The following RGS17 variants were observed in gnomAD, a reference collection of about 807,000 sequenced individuals.
RGS17 encodes the protein regulator of G-protein signaling 17.
RGS17 carries 12 observed loss-of-function variants against 25.5 expected under a neutral mutation model. The ratio of observed to expected loss-of-function variants is 0.47; its 90% confidence interval spans 0.30 to 0.76. The LOEUF is 0.76. Among genes scored for constraint, RGS17 ranks in the 30% least tolerant of loss-of-function variants. The probability of loss-of-function intolerance (pLI) is 0.07; values close to 1 mark genes in which losing one functional copy is unlikely to be tolerated. For missense variants in RGS17, 196 were observed against 242.2 expected, an observed-to-expected ratio of 0.81 and a Z score of 1.27; for synonymous variants, 71 against 76.9, an observed-to-expected ratio of 0.92 and a Z score of 0.40.
At chr6:153,024,184 T>TA in intron 4 of RGS17, 78 bp downstream of exon 4, 1 of 902,054 alleles carries the variant, frequency 1.1e-6, no homozygotes. Context: ...CCCCATGCCC[T>TA]ACCCAATGTG....
At position 153,106,143 on chromosome 6, in the gene RGS17, T is replaced by A. The variant is rs116521966; in HGVS notation, c.-26+24981A>T. Among the ~76,000 whole-genome samples, 1,212 of 152,100 alleles carry A rather than the reference T, an allele frequency of 8.0e-3. 24 individuals are homozygous for A. The highest frequency in any genetic ancestry group is 0.027 in the African/African-American group (1,114 of 41,490). ...GGGGTCAAGGTCGACTCCTGGGGAC[T>A]GTGTAGAAGCCACCCTTTGGTAAGA... On this transcript the variant is annotated intron_variant, in intron 1 of 4. Transcript: ENST00000206262.
chr6:153,023,133 C>A lies in RGS17; in HGVS notation c.444+1129G>T, dbSNP rs150577867. 8.4e-3 allele frequency among the ~76,000 whole-genome samples: 1,272 copies of A among 152,116 alleles called. 17 individuals are homozygous for A. Among genetic ancestry groups the A allele is most frequent in the African/African-American group, 0.029 (1,212 of 41,502 alleles). ...CTGTATATCTTATTAGAAGTGAAATCGTTTATGTAGCATTCCAAACTTAGA... is the reference window on the plus strand; with the variant it reads ...CTGTATATCTTATTAGAAGTGAAATAGTTTATGTAGCATTCCAAACTTAGA... On this transcript the variant is annotated intron_variant, in intron 4 of 4. Coordinates refer to ENST00000206262, the MANE Select transcript of RGS17 (RefSeq NM_012419.5).
chr6:153,096,342 G>C (rs1256282292), intron 1 of RGS17, among the ~76,000 whole-genome samples: 2 of 152,136 alleles, frequency 1.3e-5, no homozygotes, highest in East Asian at 3.8e-4. Context: ...AGCCTCTCTG[G>C]GCTGTTTCCT....
intron 2 of RGS17, among the ~76,000 whole-genome samples, chr6:153,029,292 G>T (rs1779336056): frequency 6.6e-6 from 1 of 152,102 alleles, no homozygotes; most frequent in African/African-American, 2.4e-5. Context: ...TTAAAAAATG[G>T]GTTTCAAGGT....
chr6:153,045,737 A>G (rs1776377111), intron 1 of RGS17, among the ~76,000 whole-genome samples: 1 of 152,220 alleles, frequency 6.6e-6, no homozygotes, highest in Non-Finnish European at 1.5e-5. Flanking sequence ...AAATGCTAAT[A>G]ACAGAATCAC....
intron 1 of RGS17, among the ~76,000 whole-genome samples, chr6:153,127,861 T>C (rs931778294): frequency 1.3e-5 from 2 of 152,210 alleles, no homozygotes; most frequent in African/African-American, 4.8e-5. Flanking sequence ...ATTCTTACCT[T>C]GGAAGACTTT....
At chr6:153,076,162 A>G (rs1021577286) in intron 1 of RGS17, among the ~76,000 whole-genome samples, 1 of 152,096 alleles carries the variant, frequency 6.6e-6, no homozygotes, top group African/African-American at 2.4e-5. Context: ...TAAACATTAC[A>G]CTCTGTATAT....
rs1491516817 is a variant in RGS17, at chr6:153,053,976, T to TATATAC, written c.-25-9934_-25-9933insGTATAT. 1.3e-4 allele frequency among the ~76,000 whole-genome samples: 4 copies of TATATAC among 31,088 alleles called. No homozygotes were observed. The Admixed American group carries it at 1.6e-3, about 12-fold the overall frequency. 20.4% of individuals were successfully genotyped at this position (31,088 alleles called of 152,430 possible). On this transcript the variant is annotated intron_variant, in intron 1 of 4. Coordinates refer to ENST00000206262, the MANE Select transcript of RGS17 (RefSeq NM_012419.5). Reference sequence around the variant, plus strand: ...TACATATATATTATATACATATATATGTATATATGTATATAATATATATAC... The same window carrying TATATAC: ...TACATATATATTATATACATATATATATATACGTATATATGTATATAATATATATAC...
At chr6:153,093,394 T>C (rs1417893224) in intron 1 of RGS17, among the ~76,000 whole-genome samples, 1 of 152,198 alleles carries the variant, frequency 6.6e-6, no homozygotes, top group African/African-American at 2.4e-5. Context: ...TGGTGAACCT[T>C]TTTGTAAGTC....
intron 3 of RGS17, among the ~76,000 whole-genome samples, chr6:153,025,655 TAA>T (rs1211037272): frequency 7.1e-6 from 1 of 140,456 alleles, no homozygotes; most frequent in Admixed American, 7.6e-5. Flanking sequence ...CATATATATA[TAA>T]AAACATATAT....
intron 1 of RGS17, among the ~76,000 whole-genome samples, chr6:153,110,602 T>G (rs1194017642): frequency 6.6e-6 from 1 of 152,216 alleles, no homozygotes; most frequent in Non-Finnish European, 1.5e-5. Context: ...GGCACTATAT[T>G]AGTCTGTTTT....
intron 2 of RGS17, among the ~76,000 whole-genome samples, chr6:153,036,347 C>T (rs1268109844): frequency 6.6e-6 from 1 of 152,142 alleles, no homozygotes. Flanking sequence ...GCCACTGTGC[C>T]CGGCCCCCTT....
intron 1 of RGS17, among the ~76,000 whole-genome samples, chr6:153,123,571 A>G (rs1777667523): frequency 6.6e-6 from 1 of 152,200 alleles, no homozygotes; most frequent in South Asian, 2.1e-4. Context: ...AGTGATTTTA[A>G]CAAGTTGATA....
intron 1 of RGS17, among the ~76,000 whole-genome samples, chr6:153,069,801 CTA>C (rs778938062): frequency 4.7e-5 from 7 of 147,558 alleles, no homozygotes; most frequent in African/African-American, 7.5e-5. Context: ...AAATTAAAAA[CTA>C]AAAAAAAATT....
chr6:153,068,033 A>G (rs945027077), intron 1 of RGS17, among the ~76,000 whole-genome samples: 1 of 152,228 alleles, frequency 6.6e-6, no homozygotes, highest in Non-Finnish European at 1.5e-5. Flanking sequence ...TTTTTGACAA[A>G]GGTACCAAGA....
intron 1 of RGS17, among the ~76,000 whole-genome samples, chr6:153,079,665 T>G (rs528207725): frequency 7.9e-5 from 12 of 152,312 alleles, no homozygotes; most frequent in Admixed American, 7.2e-4. Flanking sequence ...CAGTTTGTTA[T>G]GATCTCTTAT....
chr6:153,015,889 G>A (rs1449014676), intron 4 of RGS17, among the ~76,000 whole-genome samples: 3 of 152,042 alleles, frequency 2.0e-5, no homozygotes, highest in Non-Finnish European at 4.4e-5. Flanking sequence ...TCCTGACCTC[G>A]TGATCTGCCT....
At chr6:153,023,442 C>G in intron 4 of RGS17, 1 of 470,354 alleles carries the variant, frequency 2.1e-6, no homozygotes, top group South Asian at 1.6e-5. Flanking sequence ...TCACACAGGG[C>G]TCCAAGGGCC....
chr6:153,119,978 A>G (rs1777602902), intron 1 of RGS17, among the ~76,000 whole-genome samples: 1 of 152,240 alleles, frequency 6.6e-6, no homozygotes, highest in South Asian at 2.1e-4. Context: ...TTCCAGGTTA[A>G]GAAAGTACAA....
Sources: allele counts gnomAD v4.1 joint callset (sites outside exome capture counted in the v4.1 genomes callset), GRCh38; gene constraint gnomAD v4.1.1; transcripts MANE v1.5; gene names NCBI Gene and HGNC (gene_info 2026-07-23, HGNC 2026-07-21).